The following PSIP1 variants were observed in gnomAD, a reference collection of about 807,000 sequenced individuals.
PSIP1 encodes the protein PC4 and SFRS1-interacting protein.
In PSIP1, 19 loss-of-function variants were observed where a neutral mutation model predicts 74.7. That is an observed-to-expected ratio of 0.25 (90% CI 0.18 to 0.37). The LOEUF is 0.37. Ranked by LOEUF, PSIP1 falls within the 10% of genes least tolerant of loss-of-function variation. The pLI is 1.00. For synonymous variants in PSIP1, 222 were observed against 195.3 expected (o/e 1.14, Z -1.14); for missense variants, 601 against 614.3 (o/e 0.98, Z 0.23).
chr9:15,491,074 C>A (rs538470916), intron 3 of PSIP1, among the ~76,000 whole-genome samples: 2 of 152,188 alleles, frequency 1.3e-5, no homozygotes, highest in Non-Finnish European at 2.9e-5. Context: ...CCAATCAATA[C>A]ATAAATTCAT....
intron 6 of PSIP1, among the ~76,000 whole-genome samples, chr9:15,481,592 G>A (rs1054983060): frequency 2.6e-5 from 4 of 152,072 alleles, no homozygotes; most frequent in Non-Finnish European, 5.9e-5. Flanking sequence ...GCTAAGGCAG[G>A]AGAATCACTT....
chr9:15,484,257 A>T (rs188286656), intron 6 of PSIP1, among the ~76,000 whole-genome samples: 127 of 151,064 alleles, frequency 8.4e-4, no homozygotes, highest in Non-Finnish European at 1.5e-3. Context: ...GGAGTTAGAG[A>T]TCAGCCTAGG....
intron 2 of PSIP1, among the ~76,000 whole-genome samples, chr9:15,509,758 C>G (rs567332884): frequency 2.6e-4 from 39 of 152,298 alleles, no homozygotes; most frequent in Non-Finnish European, 4.3e-4. Context: ...ATATTTTGTA[C>G]TTGATCCAAA....
chr9:15,489,993 C>A lies in PSIP1; in HGVS notation c.281G>T (p.Ser94Ile). 1 of 1,570,344 alleles carries A rather than the reference C, an allele frequency of 6.4e-7. No homozygotes were observed. Among genetic ancestry groups the A allele is most frequent in the Non-Finnish European group, 8.6e-7 (1 of 1,160,464 alleles). ...TTATGTAATATGACTTACCTGTTGA[C>A]TTGAAAATTTCACTTTTGGATTGTT... ...IDNNPKVKFS[S>I]QQAATKQSNA... The change falls in exon 4 of 16, where the codon AGT (serine) becomes ATT (isoleucine). Residue 94 changes from serine to isoleucine, a missense_variant. This residue lies in a region of PSIP1 where 538 missense variants were observed against 507.6 expected (regional missense o/e 1.06). Transcript: ENST00000380733.
chr9:15,464,416 G>GATAGCATTT lies in PSIP1; in HGVS notation c.*1103_*1104insAAATGCTAT. On this transcript the variant is annotated 3_prime_UTR_variant, in exon 16 of 16. Transcript: ENST00000380733. The stretch of plus-strand genomic sequence containing the variant: ...CTAATATTCAAAATATCTTAGAAAT[G>GATAGCATTT]CTATCCTTTAGTTAACATACCCTTA... The GATAGCATTT allele has an allele frequency of 5.1e-6, 1 of 197,522 alleles. No homozygotes were observed. Among genetic ancestry groups the GATAGCATTT allele is most frequent in the African/African-American group, 2.3e-5 (1 of 43,402 alleles). The allele number at this position is 197,522 out of a possible 1,614,324, so 12.2% of individuals were successfully genotyped here. A position where few individuals can be genotyped will look rare whatever the true frequency, so the allele number is the denominator to read the frequency against.
chr9:15,469,218 G>A (rs776314086), intron 12 of PSIP1, 48 bp downstream of exon 12: 6 of 1,350,654 alleles, frequency 4.4e-6, no homozygotes, highest in South Asian at 3.9e-5. Flanking sequence ...AATAAAAGAT[G>A]AAGCTATAAA....
At chr9:15,479,091 A>G (rs1012292011) in intron 7 of PSIP1, among the ~76,000 whole-genome samples, 16 of 152,040 alleles carry the variant, frequency 1.1e-4, no homozygotes, top group African/African-American at 3.6e-4. Flanking sequence ...AATTCACTCA[A>G]TTTTGGTTTT....
intron 3 of PSIP1, among the ~76,000 whole-genome samples, chr9:15,499,703 A>T (rs747517404): frequency 6.6e-6 from 1 of 152,038 alleles, no homozygotes; most frequent in Non-Finnish European, 1.5e-5. Context: ...GTGAAACCCC[A>T]TTTCTACTGA....
At chr9:15,507,335 C>T (rs1468370578) in intron 2 of PSIP1, among the ~76,000 whole-genome samples, 1 of 152,142 alleles carries the variant, frequency 6.6e-6, no homozygotes, top group East Asian at 1.9e-4. Context: ...AGGACTAAAG[C>T]AGTACTATCT....
At chr9:15,507,257 T>G (rs1316795815) in intron 2 of PSIP1, among the ~76,000 whole-genome samples, 1 of 152,216 alleles carries the variant, frequency 6.6e-6, no homozygotes, top group Non-Finnish European at 1.5e-5. Context: ...AATCATCAGG[T>G]GCTGTCACGT....
chr9:15,492,960 C>T (rs749746062), intron 3 of PSIP1, among the ~76,000 whole-genome samples: 3 of 152,290 alleles, frequency 2.0e-5, no homozygotes, highest in East Asian at 1.9e-4. Context: ...GGCCAGGAAA[C>T]CATTTTTCCC....
chr9:15,475,263 CCTTTA>C (rs1474603830), intron 8 of PSIP1, among the ~76,000 whole-genome samples: 12 of 152,148 alleles, frequency 7.9e-5, no homozygotes, highest in African/African-American at 2.4e-4. Flanking sequence ...TTAAAACCAT[CCTTTA>C]CTTTTAATAA....
At position 15,479,212 on chromosome 9, in the gene PSIP1, A is replaced by G. The variant is rs113584770; in HGVS notation, c.553+379T>C. 1.1e-4 allele frequency among the ~76,000 whole-genome samples: 16 copies of G among 152,252 alleles called. 2 individuals are homozygous for G. The highest frequency in any genetic ancestry group is 7.7e-4 in the East Asian group (4 of 5,194). ...ACTGTAAAAATCAAAATCCCTATCAATAAAGAACGCACAAATTTAAAATAT... is the reference window on the plus strand; with the variant it reads ...ACTGTAAAAATCAAAATCCCTATCAGTAAAGAACGCACAAATTTAAAATAT... On this transcript the variant is annotated intron_variant, in intron 7 of 15. Coordinates refer to ENST00000380733, the MANE Select transcript of PSIP1 (RefSeq NM_033222.5).
intron 4 of PSIP1, among the ~76,000 whole-genome samples, chr9:15,488,796 C>A (rs992137093): frequency 2.2e-4 from 33 of 151,976 alleles, no homozygotes; most frequent in African/African-American, 7.7e-4. Context: ...CCGAGGCGGG[C>A]GGATCACAAG....
chr9:15,493,123 G>A (rs1000784448), intron 3 of PSIP1, among the ~76,000 whole-genome samples: 8 of 152,222 alleles, frequency 5.3e-5, no homozygotes, highest in Non-Finnish European at 1.0e-4. Context: ...CTGCATCATC[G>A]GGCTGCAAAT....
chr9:15,508,716 G>C (rs2037713384), intron 2 of PSIP1, among the ~76,000 whole-genome samples: 1 of 152,194 alleles, frequency 6.6e-6, no homozygotes, highest in Non-Finnish European at 1.5e-5. Flanking sequence ...GGCTCCATTT[G>C]AACGTGAATT....
intron 2 of PSIP1, among the ~76,000 whole-genome samples, chr9:15,508,802 G>A (rs2037717802): frequency 6.6e-6 from 1 of 151,974 alleles, no homozygotes; most frequent in African/African-American, 2.4e-5. Flanking sequence ...TGTTGCCCTC[G>A]GTCTCACAAT....
intron 3 of PSIP1, among the ~76,000 whole-genome samples, chr9:15,502,698 A>C (rs1227423745): frequency 6.6e-6 from 1 of 152,266 alleles, no homozygotes; most frequent in African/African-American, 2.4e-5. Flanking sequence ...AGATGTAGAA[A>C]GGAAGGGGAA....
chr9:15,472,375 T>C, intron 10 of PSIP1: 1 of 1,271,440 alleles, frequency 7.9e-7, no homozygotes, highest in Non-Finnish European at 9.9e-7. Context: ...AAAGCCAGTA[T>C]CAATTAAATC....
Sources: allele counts gnomAD v4.1 joint callset (sites outside exome capture counted in the v4.1 genomes callset), GRCh38; gene constraint gnomAD v4.1.1; regional missense constraint gnomAD v4.1.1; transcripts MANE v1.5; gene names NCBI Gene and HGNC (gene_info 2026-07-23, HGNC 2026-07-21).